Variants in DYNLT2B observed in about 807,000 individuals in gnomAD.
DYNLT2B encodes the protein dynein light chain Tctex-type 2B.
A neutral mutation model predicts 19.5 loss-of-function variants in DYNLT2B; 14 were observed. That is an observed-to-expected ratio of 0.72 (90% CI 0.47 to 1.12). DYNLT2B has a LOEUF of 1.12. DYNLT2B is among the 50% of genes most tolerant of loss of function. DYNLT2B has a pLI of 0.00. For missense variants in DYNLT2B, 133 were observed against 174.7 expected (o/e 0.76, Z 1.35); for synonymous variants, 70 against 59.7 (o/e 1.17, Z -0.79).
intron 4 of DYNLT2B, 75 bp downstream of exon 4, chr3:196,295,931 C>T: frequency 1.7e-6 from 2 of 1,202,142 alleles, no homozygotes. Flanking sequence ...CTTTCCATCC[C>T]AATCAACAGT....
At chr3:196,304,030 A>C (rs1726421845) in intron 3 of DYNLT2B, among the ~76,000 whole-genome samples, 1 of 152,170 alleles carries the variant, frequency 6.6e-6, no homozygotes, top group African/African-American at 2.4e-5. Context: ...TCAATAGCAT[A>C]ATTACTATTC....
chr3:196,318,231 T>C lies in DYNLT2B; in HGVS notation c.-79A>G. On this transcript the variant is annotated 5_prime_UTR_variant, in exon 1 of 5. Coordinates refer to ENST00000325318, the MANE Select transcript of DYNLT2B (RefSeq NM_152773.5). ...GTCGCGGCCGGCAGCAGGGAAAGCGTCTCCAGGGCAACAGGGCCGCCCTCC... is the reference window on the plus strand; with the variant it reads ...GTCGCGGCCGGCAGCAGGGAAAGCGCCTCCAGGGCAACAGGGCCGCCCTCC... 1.3e-6 allele frequency: 1 copy of C among 779,458 alleles called. No homozygotes were observed. The highest frequency in any genetic ancestry group is 1.9e-6 in the Non-Finnish European group (1 of 533,058). 48.3% of individuals were successfully genotyped at this position (779,458 alleles called of 1,614,324 possible). A position where few individuals can be genotyped will look rare whatever the true frequency, so the allele number is the denominator to read the frequency against.
intron 3 of DYNLT2B, chr3:196,298,202 T>C: frequency 3.2e-6 from 1 of 312,888 alleles, no homozygotes; most frequent in Non-Finnish European, 6.4e-6. Context: ...CTTAAAAGAC[T>C]TGTGAGAAGA....
At chr3:196,316,914 GGTGT>G (rs796487163) in intron 1 of DYNLT2B, among the ~76,000 whole-genome samples, 19 of 44,134 alleles carry the variant, frequency 4.3e-4, no homozygotes, top group East Asian at 3.1e-3. Flanking sequence ...TGTGTTGTGT[GGTGT>G]GTGTGTGTGT....
chr3:196,293,483 G>C (rs1344858150), intron 4 of DYNLT2B, among the ~76,000 whole-genome samples: 2 of 151,494 alleles, frequency 1.3e-5, no homozygotes, highest in African/African-American at 4.8e-5. Flanking sequence ...AAAATTAGCC[G>C]AGCGTGGTGG....
intron 2 of DYNLT2B, among the ~76,000 whole-genome samples, chr3:196,311,842 C>T (rs4916479): frequency 0.32 from 48,452 of 151,734 alleles, 8,823 homozygotes; most frequent in East Asian, 0.83. Flanking sequence ...GAGGCCGAGA[C>T]GGGTGGGTCA....
chr3:196,313,199 A>AT (rs1292189022), intron 2 of DYNLT2B, among the ~76,000 whole-genome samples: 10,547 of 141,344 alleles, frequency 0.075, 453 homozygotes, highest in Middle Eastern at 0.15. Flanking sequence ...AGTATTAATG[A>AT]TTTTTTTTTT....
rs572679170 is a variant in DYNLT2B at position 196,291,472 on chromosome 3, C to G, written c.382-98G>C. The G allele has an allele frequency of 9.0e-6, 12 of 1,330,362 alleles. No homozygotes were observed. The East Asian group carries it at 3.0e-4, about 33-fold the overall frequency. 82.4% of individuals were successfully genotyped at this position (1,330,362 alleles called of 1,614,324 possible). Reference sequence around the variant, plus strand: ...AACTGAAACTAACACCATCTCAGATCTTTCCAATTTTTTTTTTCTTTTTTG... The same window carrying G: ...AACTGAAACTAACACCATCTCAGATGTTTCCAATTTTTTTTTTCTTTTTTG... On this transcript the variant is annotated intron_variant, in intron 4 of 4. Coordinates refer to ENST00000325318, the MANE Select transcript of DYNLT2B (RefSeq NM_152773.5).
At chr3:196,300,602 G>A (rs868747931) in intron 3 of DYNLT2B, among the ~76,000 whole-genome samples, 2 of 151,578 alleles carry the variant, frequency 1.3e-5, no homozygotes, top group Non-Finnish European at 2.9e-5. Context: ...GGTGGCGTGC[G>A]TCTCTAATCC....
chr3:196,317,949 G>T, intron 1 of DYNLT2B, 91 bp downstream of exon 1: 1 of 661,290 alleles, frequency 1.5e-6, no homozygotes, highest in Non-Finnish European at 2.1e-6. Context: ...CGCGTCCCCC[G>T]CGCTCCTTCC....
At chr3:196,309,800 T>C (rs1296596845) in intron 2 of DYNLT2B, among the ~76,000 whole-genome samples, 1 of 151,176 alleles carries the variant, frequency 6.6e-6, no homozygotes, top group South Asian at 2.1e-4. Context: ...TAAAAATACA[T>C]TAGCAGGGCG....
intron 3 of DYNLT2B, among the ~76,000 whole-genome samples, chr3:196,305,249 C>T (rs1466225453): frequency 6.6e-6 from 1 of 151,932 alleles, no homozygotes; most frequent in African/African-American, 2.4e-5. Context: ...TCAACCTTAA[C>T]AAAGCAAAAA....
intron 3 of DYNLT2B, among the ~76,000 whole-genome samples, chr3:196,302,301 C>T (rs1726377482): frequency 2.0e-5 from 3 of 152,266 alleles, no homozygotes; most frequent in East Asian, 1.9e-4. Context: ...AGCTTAGTTT[C>T]TAATGCCATT....
At chr3:196,315,944 A>G in intron 2 of DYNLT2B, 154 bp downstream of exon 2, 1 of 749,052 alleles carries the variant, frequency 1.3e-6, no homozygotes, top group Non-Finnish European at 2.1e-6. Flanking sequence ...AGCTCAAGCA[A>G]TCTTCCTGCC....
rs374603890 is a variant in DYNLT2B at position 196,296,121 on chromosome 3, G to A, written c.318-52C>T. ...TCAACAATCTAACAAGGACCTAAAC[G>A]ACACATATCTGCCACGAGAAACAGT... On this transcript the variant is annotated intron_variant, in intron 3 of 4. Transcript: ENST00000325318. The A allele has an allele frequency of 6.4e-5, 93 of 1,453,888 alleles. No homozygotes were observed. The African/African-American group carries it at 1.0e-3, about 16-fold the overall frequency. The allele number at this position is 1,453,888 out of a possible 1,614,324, so 90.1% of individuals were successfully genotyped here.
At chr3:196,310,494 T>G (rs2108796192) in intron 2 of DYNLT2B, among the ~76,000 whole-genome samples, 1 of 152,008 alleles carries the variant, frequency 6.6e-6, no homozygotes, top group African/African-American at 2.4e-5. Flanking sequence ...AGTGGGATGA[T>G]CTCAACTCAC....
chr3:196,309,023 A>G (rs1726563492), intron 2 of DYNLT2B, among the ~76,000 whole-genome samples: 1 of 152,228 alleles, frequency 6.6e-6, no homozygotes, highest in Non-Finnish European at 1.5e-5. Context: ...CCCCCACATT[A>G]TATCAGAGCA....
chr3:196,304,017 G>A (rs930695705), intron 3 of DYNLT2B, among the ~76,000 whole-genome samples: 2 of 152,144 alleles, frequency 1.3e-5, no homozygotes, highest in Non-Finnish European at 2.9e-5. Flanking sequence ...AGCAAGAACT[G>A]TCTCAATAGC....
chr3:196,293,713 C>G (rs181076885), intron 4 of DYNLT2B, among the ~76,000 whole-genome samples: 2 of 143,238 alleles, frequency 1.4e-5, no homozygotes, highest in African/African-American at 5.1e-5. Flanking sequence ...GGCACAATCT[C>G]GCCTCACTGC....
Sources: gnomAD v4.1 joint callset for allele counts (sites outside exome capture counted in the v4.1 genomes callset) on GRCh38, gnomAD v4.1.1 for gene constraint, MANE v1.5 for transcripts, NCBI Gene and HGNC (gene_info 2026-07-23, HGNC 2026-07-21) for gene names.